The following MTHFD2L variants were observed in gnomAD, a reference collection of about 807,000 sequenced individuals.
MTHFD2L encodes bifunctional methylenetetrahydrofolate dehydrogenase/cyclohydrolase 2, mitochondrial.
A neutral mutation model predicts 34.9 loss-of-function variants in MTHFD2L; 29 were observed. The observed-to-expected ratio is 0.83, with a 90% CI of 0.62 to 1.13. MTHFD2L has a LOEUF of 1.13. Among genes scored for constraint, MTHFD2L ranks in the 50% most tolerant of loss-of-function variants. MTHFD2L has a pLI of 0.00. For synonymous variants in MTHFD2L, 167 were observed against 155.7 expected (o/e 1.07, Z -0.54); for missense variants, 481 against 446.5 (o/e 1.08, Z -0.70).
chr4:74,258,824 T>G (rs900502289), intron 6 of MTHFD2L, among the ~76,000 whole-genome samples: 20 of 152,176 alleles, frequency 1.3e-4, no homozygotes, highest in African/African-American at 4.8e-4. Context: ...AGAACAATAT[T>G]TTTTATTAAG....
At chr4:74,216,811 G>T (rs929866224) in intron 5 of MTHFD2L, among the ~76,000 whole-genome samples, 1 of 151,602 alleles carries the variant, frequency 6.6e-6, no homozygotes, top group African/African-American at 2.4e-5. Context: ...TCACCACCTG[G>T]ACTAATAAGA....
At chr4:74,116,758 C>T in intron 2 of MTHFD2L, among the ~76,000 whole-genome samples, 1 of 152,180 alleles carries the variant, frequency 6.6e-6, no homozygotes, top group East Asian at 1.9e-4. Flanking sequence ...AACGATGAAA[C>T]AGACCTACAT....
intron 1 of MTHFD2L, among the ~76,000 whole-genome samples, chr4:74,131,535 G>A (rs1029950281): frequency 6.6e-6 from 1 of 152,166 alleles, no homozygotes; most frequent in African/African-American, 2.4e-5. Context: ...GCCATATGCA[G>A]AAAACTGAAA....
intron 1 of MTHFD2L, among the ~76,000 whole-genome samples, chr4:74,149,775 G>A (rs974524932): frequency 2.0e-5 from 3 of 152,168 alleles, no homozygotes; most frequent in Non-Finnish European, 4.4e-5. Context: ...TTGCAAGGGT[G>A]TTATGTGTTG....
At chr4:74,286,538 T>C (rs1748198949) in intron 7 of MTHFD2L, among the ~76,000 whole-genome samples, 1 of 152,170 alleles carries the variant, frequency 6.6e-6, no homozygotes, top group Non-Finnish European at 1.5e-5. Flanking sequence ...CAGTATGTAG[T>C]CCTAGACTCA....
At chr4:74,247,025 G>T (rs1471222773) in intron 6 of MTHFD2L, among the ~76,000 whole-genome samples, 1 of 149,272 alleles carries the variant, frequency 6.7e-6, no homozygotes, top group Non-Finnish European at 1.5e-5. Flanking sequence ...GAAAGTCATT[G>T]GTAGCTTGAT....
chr4:74,140,484 A>G, intron 1 of MTHFD2L: 3 of 755,132 alleles, frequency 4.0e-6, no homozygotes, highest in Non-Finnish European at 4.8e-6. Flanking sequence ...TAGTATTTAA[A>G]TTATTTTAAT....
chr4:74,183,641 G>A (rs1190313321), intron 3 of MTHFD2L: 2 of 151,972 alleles, frequency 1.3e-5, no homozygotes, highest in African/African-American at 2.4e-5. Flanking sequence ...AACAGAGCAA[G>A]ACTCCATCTC....
chr4:74,276,851 C>T (rs1351542098), intron 6 of MTHFD2L, among the ~76,000 whole-genome samples: 2 of 151,966 alleles, frequency 1.3e-5, no homozygotes, highest in Non-Finnish European at 2.9e-5. Flanking sequence ...ATATAATTAT[C>T]TTCTTAAGTA....
At chr4:74,165,605 C>T (rs1578310833) in intron 1 of MTHFD2L, among the ~76,000 whole-genome samples, 2 of 152,210 alleles carry the variant, frequency 1.3e-5, no homozygotes, top group Non-Finnish European at 2.9e-5. Flanking sequence ...ATCCACCCGC[C>T]TCGGCCCCTC....
rs1750380165 is a variant in MTHFD2L, at chr4:74,301,974, C to T, written c.*165C>T. 4 of 419,552 alleles carry T rather than the reference C, an allele frequency of 9.5e-6. No individual in the cohort carries two copies. Among genetic ancestry groups the T allele is most frequent in the Middle Eastern group, 6.2e-4 (1 of 1,606 alleles). 26.0% of individuals were successfully genotyped at this position (419,552 alleles called of 1,614,324 possible). On this transcript the variant is annotated 3_prime_UTR_variant, in exon 8 of 8. Transcript: ENST00000325278. ...TGATTCACATAGTTTTATGCATTTC[C>T]TGCTAATTTATTTTGAGTTTTAAGA...
chr4:74,247,714 C>T (rs1742687614), intron 6 of MTHFD2L, among the ~76,000 whole-genome samples: 1 of 152,188 alleles, frequency 6.6e-6, no homozygotes, highest in African/African-American at 2.4e-5. Flanking sequence ...TGTCAAAGGT[C>T]TTTTCTTCAT....
upstream of MTHFD2L, among the ~76,000 whole-genome samples, chr4:74,154,215 T>C (rs973619404): frequency 6.6e-6 from 1 of 152,198 alleles, no homozygotes; most frequent in Non-Finnish European, 1.5e-5. Context: ...TTATATCAAG[T>C]ATCCATCCTA....
At chr4:74,294,456 A>G (rs1442633836) in intron 7 of MTHFD2L, among the ~76,000 whole-genome samples, 1 of 152,070 alleles carries the variant, frequency 6.6e-6, no homozygotes, top group African/African-American at 2.4e-5. Context: ...CACCAGCTGG[A>G]GACACCCTGT....
Position 74,286,808 on chromosome 4 carries a change from A to G in MTHFD2L, c.931+5258A>G, listed in dbSNP as rs577031599. ...GAGTGTCTATTCCCTGTTGCCTGCC[A>G]TCTCTCCTCCCTGTATTCCAACTCT... is the stretch of plus-strand genomic sequence containing the variant. On this transcript the variant is annotated intron_variant, in intron 7 of 7. Coordinates refer to ENST00000325278, the MANE Select transcript of MTHFD2L (RefSeq NM_001144978.3). 2.6e-5 allele frequency among the ~76,000 whole-genome samples: 4 copies of G among 152,266 alleles called. No individual in the cohort carries two copies. The South Asian group carries it at 8.3e-4, about 32-fold the overall frequency.
chr4:74,230,216 T>C (rs1375615823), intron 6 of MTHFD2L, among the ~76,000 whole-genome samples: 7 of 152,164 alleles, frequency 4.6e-5, no homozygotes, highest in African/African-American at 1.7e-4. Context: ...AAAAGTGAAA[T>C]ATTTATTCAT....
At chr4:74,209,061 A>T (rs1275492081) in intron 5 of MTHFD2L, among the ~76,000 whole-genome samples, 1 of 152,102 alleles carries the variant, frequency 6.6e-6, no homozygotes, top group Non-Finnish European at 1.5e-5. Context: ...GAAGAGACAA[A>T]CTGGATTATT....
intron 3 of MTHFD2L, among the ~76,000 whole-genome samples, chr4:74,186,247 G>A (rs1017433575): frequency 6.6e-6 from 1 of 151,866 alleles, no homozygotes; most frequent in Non-Finnish European, 1.5e-5. Flanking sequence ...TAAAGGGAAT[G>A]TATGAAAAAT....
intron 1 of MTHFD2L, among the ~76,000 whole-genome samples, chr4:74,126,094 G>A (rs545470976): frequency 4.6e-4 from 70 of 152,238 alleles, no homozygotes; most frequent in African/African-American, 1.4e-3. Flanking sequence ...GGCCTTGGGC[G>A]CAGTCTTTAA....
Sources: gnomAD v4.1 joint callset for allele counts (sites outside exome capture counted in the v4.1 genomes callset) on GRCh38, gnomAD v4.1.1 for gene constraint, MANE v1.5 for transcripts, NCBI Gene and HGNC (gene_info 2026-07-23, HGNC 2026-07-21) for gene names.